The following AKNA variants were observed in gnomAD, a reference collection of about 807,000 sequenced individuals.
AKNA encodes microtubule organization protein AKNA.
In AKNA, 67 loss-of-function variants were observed where a neutral mutation model predicts 138.8. That is an observed-to-expected ratio of 0.48 (90% CI 0.40 to 0.59). AKNA has a LOEUF of 0.59. Ranked by LOEUF, AKNA falls within the 20% of genes least tolerant of loss-of-function variation. The pLI is 0.00. For synonymous variants in AKNA, 737 were observed against 754.4 expected, an observed-to-expected ratio of 0.98 and a Z score of 0.38; for missense variants, 1,813 against 1,880.4, an observed-to-expected ratio of 0.96 and a Z score of 0.66.
At chr9:114,332,368 C>T (rs891802036), downstream of AKNA, among the ~76,000 whole-genome samples, 21 of 152,122 alleles carry the variant, frequency 1.4e-4, no homozygotes, top group Admixed American at 1.3e-3. Flanking sequence ...GTCACCATCC[C>T]GATTTTTGCT....
chr9:114,387,522 G>A (rs952949624), intron 1 of AKNA, among the ~76,000 whole-genome samples: 2 of 152,172 alleles, frequency 1.3e-5, no homozygotes, highest in Admixed American at 6.5e-5. Context: ...TGCCTGCATC[G>A]TCTCTGAGAC....
chr9:114,341,713 G>A lies in AKNA; in HGVS notation c.3887C>T (p.Ala1296Val), dbSNP rs1437783071. 6.3e-7 allele frequency: 1 copy of A among 1,574,962 alleles called. No individual in the cohort carries two copies. Among genetic ancestry groups the A allele is most frequent in the Non-Finnish European group, 8.6e-7 (1 of 1,163,264 alleles). Residue 1296 changes from alanine (A) to valine (V), a missense_variant, in exon 21 of 22, where the codon GCC (alanine) becomes GTC (valine). Transcript: ENST00000374088. Reference protein sequence around the residue: ...PGSATSGAEKATTRRKASSTP... With the variant: ...PGSATSGAEKVTTRRKASSTP... Reference sequence around the variant, plus strand: ...TGAAGATGCTTTTCTCCTCGTGGTGGCCTTCTCTGCCCCTATCAGGGAGGG... The same window carrying A: ...TGAAGATGCTTTTCTCCTCGTGGTGACCTTCTCTGCCCCTATCAGGGAGGG...
downstream of AKNA, chr9:114,330,778 C>CTGGT (rs1484480162): frequency 1.9e-6 from 3 of 1,613,300 alleles, no homozygotes; most frequent in Non-Finnish European, 2.5e-6. Context: ...CTTCCGCCTT[C>CTGGT]TGGTTGACTT....
chr9:114,353,920 G>A (rs943862507), intron 14 of AKNA, among the ~76,000 whole-genome samples: 1 of 152,230 alleles, frequency 6.6e-6, no homozygotes, highest in African/African-American at 2.4e-5. Flanking sequence ...AGTGAGTGGT[G>A]AGTGAATGTG....
intron 1 of AKNA, chr9:114,383,037 TG>T (rs1589033350): frequency 2.3e-6 from 1 of 428,298 alleles, no homozygotes; most frequent in East Asian, 7.2e-5. Flanking sequence ...TGAGGCGAGC[TG>T]GGGGCGGGGA....
In AKNA at chr9:114,356,134, G is replaced by C. The variant is rs1374373460; in HGVS notation, c.2849C>G (p.Thr950Arg). ...TPEHRLSHISTAGTLAQPFAA... is the reference protein window; with the variant it reads ...TPEHRLSHISRAGTLAQPFAA... ...AAAGGGCTGGGCTAATGTTCCTGCT[G>C]TGCTGGGGGACCGTGGAGGAAGGGA... is the stretch of plus-strand genomic sequence containing the variant. The change falls in exon 14 of 22, where the codon ACA (threonine) becomes AGA (arginine). Residue 950 changes from threonine (T) to arginine (R), a missense_variant and splice_region_variant. By Grantham distance (71) the Thr-to-Arg change is moderately conservative. Transcript: ENST00000374088. The C allele has an allele frequency of 6.2e-7, 1 of 1,611,860 alleles. No homozygotes were observed. The highest frequency in any genetic ancestry group is 8.5e-7 in the Non-Finnish European group (1 of 1,178,502).
chr9:114,331,047 C>A (rs555981268), downstream of AKNA, among the ~76,000 whole-genome samples: 15 of 152,152 alleles, frequency 9.9e-5, no homozygotes, highest in South Asian at 1.4e-3. Flanking sequence ...GATGAGGAAA[C>A]ATAAGAACAG....
intron 13 of AKNA, among the ~76,000 whole-genome samples, 162 bp from the exon 14 acceptor site, chr9:114,356,298 G>A (rs147806691): frequency 2.6e-5 from 4 of 152,244 alleles, no homozygotes; most frequent in Non-Finnish European, 5.9e-5. Context: ...CACATTAGAT[G>A]CCCAATTCTT....
At chr9:114,333,105 G>A (rs1481348194), downstream of AKNA, 2 of 1,581,968 alleles carry the variant, frequency 1.3e-6, no homozygotes, top group African/African-American at 1.3e-5. Flanking sequence ...GCACGAGAAG[G>A]AGAGGAAACA....
At chr9:114,332,847 T>C (rs1829881749), downstream of AKNA, among the ~76,000 whole-genome samples, 1 of 152,180 alleles carries the variant, frequency 6.6e-6, no homozygotes, top group Admixed American at 6.5e-5. Context: ...CAGTGGTTCT[T>C]AAGGGTCTGA....
intron 1 of AKNA, among the ~76,000 whole-genome samples, chr9:114,386,990 T>G (rs1041274429): frequency 2.0e-5 from 3 of 151,710 alleles, no homozygotes; most frequent in South Asian, 4.2e-4. Flanking sequence ...ACCTCCCAGA[T>G]GAAGACACTG....
upstream of AKNA, among the ~76,000 whole-genome samples, chr9:114,392,524 C>T (rs1834384880): frequency 6.6e-6 from 1 of 152,224 alleles, no homozygotes. Flanking sequence ...GTAACATGGA[C>T]CAATAATTAT....
At position 114,337,312 on chromosome 9, in the gene AKNA, G is replaced by A. The variant is rs768335978; in HGVS notation, c.4068-6C>T. The A allele has an allele frequency of 3.5e-6, 5 of 1,448,788 alleles. No homozygotes were observed. Among genetic ancestry groups the A allele is most frequent in the African/African-American group, 1.4e-5 (1 of 70,206 alleles). 89.7% of individuals were successfully genotyped at this position (1,448,788 alleles called of 1,614,324 possible). A position where few individuals can be genotyped will look rare whatever the true frequency, so the allele number is the denominator to read the frequency against. Reference sequence around the variant, plus strand: ...GTCCTGCAGGCGCATAGTACCTGAGGAGAGAAGTGAGTGGGCTCGTTACAC... The same window carrying A: ...GTCCTGCAGGCGCATAGTACCTGAGAAGAGAAGTGAGTGGGCTCGTTACAC... On this transcript the variant is annotated splice_polypyrimidine_tract_variant and splice_region_variant and intron_variant, in intron 21 of 21. Coordinates refer to ENST00000374088, the MANE Select transcript of AKNA (RefSeq NM_001317950.2).
chr9:114,364,759 G>A, intron 6 of AKNA, 140 bp from the exon 7 acceptor site: 1 of 809,242 alleles, frequency 1.2e-6, no homozygotes, highest in Non-Finnish European at 2.0e-6. Flanking sequence ...GGAGACGTGG[G>A]TGCTGGGAAC....
At chr9:114,375,632 T>C (rs528547462) in intron 3 of AKNA, among the ~76,000 whole-genome samples, 13 of 152,090 alleles carry the variant, frequency 8.5e-5, no homozygotes, top group Non-Finnish European at 1.9e-4. Flanking sequence ...GATAAAAGGA[T>C]TGGATGCCTG....
In AKNA at chr9:114,381,174, C is replaced by T. The variant is rs375753084; in HGVS notation, c.160G>A (p.Glu54Lys). Reference protein sequence around the residue: ...ERLFPNATSPELLEDFRLAQQ... With the variant: ...ERLFPNATSPKLLEDFRLAQQ... ...GCCAGGCGGAAGTCCTCTAGGAGCT[C>T]GGGGCTGGTGGCATTGGGAAAGAGT... Residue 54 changes from glutamate to lysine, a missense_variant, in exon 2 of 22, where the codon GAG becomes AAG. Transcript: ENST00000374088. 1.4e-5 allele frequency: 22 copies of T among 1,613,288 alleles called. No homozygotes were observed. The highest frequency in any genetic ancestry group is 1.2e-4 in the African/African-American group (9 of 74,258).
rs560430906 is a variant in AKNA, at chr9:114,384,019, G to A, written c.-113-2573C>T. Among the ~76,000 whole-genome samples, 11 of 152,254 alleles carry A rather than the reference G, an allele frequency of 7.2e-5. No individual in the cohort carries two copies. In the South Asian group the frequency reaches 1.5e-3, roughly 20 times the overall value. ...CCTACCACATGTGAAGAGCCCACTC[G>A]GCGCCAGCCTGGGTTGAAGCTTTAC... On this transcript the variant is annotated intron_variant, in intron 1 of 21. Coordinates refer to ENST00000374088, the MANE Select transcript of AKNA (RefSeq NM_001317950.2).
intron 1 of AKNA, among the ~76,000 whole-genome samples, chr9:114,381,681 G>A (rs184329408): frequency 0.18 from 4,095 of 22,356 alleles, 236 homozygotes; most frequent in African/African-American, 0.28. Context: ...TTTTTTTTGA[G>A]ACACAGTCTC....
chr9:114,359,733 C>T lies in AKNA; in HGVS notation c.2353G>A (p.Glu785Lys). ...CCTCCCCCCTCTTCCTCCTCCTCCT[C>T]CTCTCCTTCTTCCTCCTCCTCCATT... is the stretch of plus-strand genomic sequence containing the variant. ...MRMEEEEEGE[E>K]EEEEEGGGDS... Residue 785 changes from glutamate to lysine, a missense_variant, in exon 11 of 22, where the codon GAG becomes AAG. Transcript: ENST00000374088. The T allele has an allele frequency of 6.2e-7, 1 of 1,607,006 alleles. No individual in the cohort carries two copies. The highest frequency in any genetic ancestry group is 8.5e-7 in the Non-Finnish European group (1 of 1,176,310).
Sources: gnomAD v4.1 joint callset for allele counts (sites outside exome capture counted in the v4.1 genomes callset) on GRCh38, gnomAD v4.1.1 for gene constraint, MANE v1.5 for transcripts, NCBI Gene and HGNC (gene_info 2026-07-23, HGNC 2026-07-21) for gene names.